Variants in SHC4 observed in about 807,000 individuals in gnomAD.
SHC4 encodes SHC adaptor protein 4.
Under a neutral mutation model 69.4 loss-of-function variants are expected in SHC4, and 41 were observed. The observed-to-expected ratio is 0.59, with a 90% CI of 0.46 to 0.77. SHC4 has a LOEUF of 0.77. Among genes scored for constraint, SHC4 ranks in the 30% least tolerant of loss-of-function variants. The pLI is 0.00. For synonymous variants in SHC4, 318 were observed against 299.3 expected, an observed-to-expected ratio of 1.06 and a Z score of -0.64; for missense variants, 777 against 783.8, an observed-to-expected ratio of 0.99 and a Z score of 0.10.
At chr15:48,914,711 TAA>T (rs757605293) in intron 2 of SHC4, among the ~76,000 whole-genome samples, 4 of 152,196 alleles carry the variant, frequency 2.6e-5, no homozygotes, top group Non-Finnish European at 5.9e-5. Context: ...TCCAAAAATA[TAA>T]GTCATCTGGT....
At chr15:48,878,293 G>A (rs1899862068) in intron 4 of SHC4, 1 of 1,613,746 alleles carries the variant, frequency 6.2e-7, no homozygotes, top group Non-Finnish European at 8.5e-7. Flanking sequence ...GGAGCCGGGA[G>A]CTATCCCTGC....
chr15:48,826,722 A>T (rs1366118138), intron 11 of SHC4, among the ~76,000 whole-genome samples: 10 of 152,212 alleles, frequency 6.6e-5, no homozygotes, highest in Admixed American at 6.5e-4. Flanking sequence ...GTATACAAGC[A>T]TGAATCCCAG....
At position 48,877,286 on chromosome 15, in the gene SHC4, G is replaced by A. The variant is rs144629077; in HGVS notation, c.841-5144C>T. ...TCTAGTTGCAGGAAAACAAGCTCAG[G>A]GCTCCCATTGATTCTACATTATGGT... On this transcript the variant is annotated intron_variant, in intron 4 of 11. Transcript: ENST00000332408. 3.3e-3 allele frequency: 1,487 copies of A among 450,110 alleles called. 22 individuals carry two copies. Among genetic ancestry groups the A allele is most frequent in the African/African-American group, 0.03 (1,388 of 46,660 alleles). The allele number at this position is 450,110 out of a possible 1,614,324, so 27.9% of individuals were successfully genotyped here.
intron 2 of SHC4, among the ~76,000 whole-genome samples, chr15:48,913,214 G>T (rs568481026): frequency 6.6e-6 from 1 of 151,814 alleles, no homozygotes; most frequent in East Asian, 1.9e-4. Context: ...GGACCATCAG[G>T]TGGGGGTGGG....
rs1190863140 is a variant in SHC4, at chr15:48,962,809, A to C, written c.207T>G (p.Thr69=). The change falls in exon 1 of 12, where the codon ACT becomes ACG. Residue 69 remains threonine, a synonymous_variant. Transcript: ENST00000332408. ...CCTGCGACGGCAAGGTGGCATCTTC[A>C]GTCGGCAGGTGAGGTGCCAGGGCGG... ...PHPALAPHLP[T]EDATLPSQES... is the part of the protein sequence containing the mutation. The C allele has an allele frequency of 6.2e-7, 1 of 1,608,190 alleles. No individual in the cohort carries two copies. The highest frequency in any genetic ancestry group is 1.1e-5 in the South Asian group (1 of 90,964).
At chr15:48,842,137 T>C (rs749024417) in intron 10 of SHC4, among the ~76,000 whole-genome samples, 1 of 152,246 alleles carries the variant, frequency 6.6e-6, no homozygotes, top group Non-Finnish European at 1.5e-5. Flanking sequence ...CAGTTGATTA[T>C]AGGCTTTTGG....
chr15:48,953,921 T>G (rs1035888873), intron 1 of SHC4, among the ~76,000 whole-genome samples: 2 of 152,194 alleles, frequency 1.3e-5, no homozygotes, highest in African/African-American at 2.4e-5. Flanking sequence ...TGGTGTGAAC[T>G]ATAATTTTTA....
chr15:48,896,307 T>G (rs1425150287), intron 2 of SHC4, among the ~76,000 whole-genome samples: 1 of 135,100 alleles, frequency 7.4e-6, no homozygotes, highest in South Asian at 2.9e-4. Flanking sequence ...TCTCCCTCTC[T>G]CTCTCTTTCT....
At chr15:48,913,610 G>T (rs1900552982) in intron 2 of SHC4, among the ~76,000 whole-genome samples, 1 of 152,068 alleles carries the variant, frequency 6.6e-6, no homozygotes, top group Non-Finnish European at 1.5e-5. Flanking sequence ...CCCAAGTTCT[G>T]GCCAGGAGGC....
chr15:48,955,986 G>A (rs529402000), intron 1 of SHC4, among the ~76,000 whole-genome samples: 1 of 152,268 alleles, frequency 6.6e-6, no homozygotes, highest in African/African-American at 2.4e-5. Context: ...GACTCTTGCA[G>A]TTAAGGCTCT....
intron 3 of SHC4, among the ~76,000 whole-genome samples, chr15:48,888,391 C>T (rs1404040591): frequency 6.6e-6 from 1 of 152,124 alleles, no homozygotes; most frequent in Non-Finnish European, 1.5e-5. Flanking sequence ...TGATTCCACT[C>T]ATATGAAGTA....
intron 10 of SHC4, among the ~76,000 whole-genome samples, chr15:48,839,697 G>C (rs1686485645): frequency 1.3e-5 from 2 of 152,176 alleles, no homozygotes; most frequent in African/African-American, 4.8e-5. Flanking sequence ...CGCTAATTTG[G>C]GGTATGGAGG....
intron 2 of SHC4, among the ~76,000 whole-genome samples, chr15:48,907,063 T>A (rs1900417320): frequency 6.6e-6 from 1 of 152,186 alleles, no homozygotes; most frequent in South Asian, 2.1e-4. Context: ...TTGCCTTTTT[T>A]AAAAGTTTAT....
Position 48,890,748 on chromosome 15 carries a change from C to T in SHC4, c.720G>A (p.Lys240=). ...ACAAGAAAACCACATCATCATTTAC[C>T]TTTCGCTTTTTAATGGCTCCATTTG... ...PGANGAIKKR[K]PPVKFLSTVL... Residue 240 remains lysine, a splice_region_variant and synonymous_variant, in exon 3 of 12, where the codon AAG becomes AAA. Transcript: ENST00000332408. 6.2e-7 allele frequency: 1 copy of T among 1,614,110 alleles called. No individual in the cohort carries two copies.
chr15:48,864,885 C>T (rs1214426237), intron 6 of SHC4, among the ~76,000 whole-genome samples: 1 of 152,208 alleles, frequency 6.6e-6, no homozygotes, highest in Non-Finnish European at 1.5e-5. Context: ...CAAAGTCCCC[C>T]CACAATCTGT....
chr15:48,937,519 A>G (rs1901093808), intron 1 of SHC4, among the ~76,000 whole-genome samples: 1 of 152,178 alleles, frequency 6.6e-6, no homozygotes. Context: ...GAAGTTTACC[A>G]TCTAGGGGAG....
At chr15:48,885,405 AT>A (rs1900018464) in intron 3 of SHC4, among the ~76,000 whole-genome samples, 1 of 152,220 alleles carries the variant, frequency 6.6e-6, no homozygotes, top group Non-Finnish European at 1.5e-5. Context: ...TTAGCATAGT[AT>A]TTGGCTGGTT....
At chr15:48,865,178 T>C (rs1899536031) in intron 6 of SHC4, among the ~76,000 whole-genome samples, 1 of 152,250 alleles carries the variant, frequency 6.6e-6, no homozygotes, top group East Asian at 1.9e-4. Flanking sequence ...TTTCCTTCCA[T>C]AATCATTAAT....
chr15:48,834,553 C>A (rs1159999570), intron 11 of SHC4, among the ~76,000 whole-genome samples: 1 of 152,046 alleles, frequency 6.6e-6, no homozygotes, highest in East Asian at 1.9e-4. Flanking sequence ...TTGAAAAGGG[C>A]AGAAAGAGGC....
Sources: allele counts gnomAD v4.1 joint callset (sites outside exome capture counted in the v4.1 genomes callset), GRCh38; gene constraint gnomAD v4.1.1; transcripts MANE v1.5; gene names NCBI Gene and HGNC (gene_info 2026-07-23, HGNC 2026-07-21).